The following FAM47E variants were observed in gnomAD, a reference collection of about 807,000 sequenced individuals.
The protein encoded by FAM47E is family with sequence similarity 47 member E.
A neutral mutation model predicts 41.6 loss-of-function variants in FAM47E; 32 were observed. That is an observed-to-expected ratio of 0.77 (90% confidence interval 0.58 to 1.03). The LOEUF (loss-of-function observed/expected upper bound fraction) is 1.03, where lower values mean the gene tolerates loss of function less well. Ranked by LOEUF, FAM47E falls within the 50% of genes least tolerant of loss-of-function variation. The probability of loss-of-function intolerance (pLI) is 0.00; values close to 1 mark genes in which losing one functional copy is unlikely to be tolerated. For missense variants in FAM47E, 424 were observed against 485.4 expected (o/e 0.87, Z 1.19); for synonymous variants, 184 against 188.7 (o/e 0.98, Z 0.20).
chr4:76,220,824 C>T (rs762955140), intron 2 of FAM47E, among the ~76,000 whole-genome samples: 1 of 152,196 alleles, frequency 6.6e-6, no homozygotes, highest in South Asian at 2.1e-4. Flanking sequence ...GTCATAGGTA[C>T]ATTTTCTGTT....
At chr4:76,247,641 A>G (rs1733855768), upstream of FAM47E, among the ~76,000 whole-genome samples, 1 of 152,042 alleles carries the variant, frequency 6.6e-6, no homozygotes, top group African/African-American at 2.4e-5. Context: ...AACCATCCTA[A>G]TTGGTGTGAA....
At chr4:76,248,748 C>G (rs1358359465), upstream of FAM47E, among the ~76,000 whole-genome samples, 1 of 152,028 alleles carries the variant, frequency 6.6e-6, no homozygotes, top group Admixed American at 6.6e-5. Context: ...AATTTTGACT[C>G]CATACATTGC....
intron 2 of FAM47E, among the ~76,000 whole-genome samples, chr4:76,229,713 T>C (rs1733460950): frequency 6.6e-6 from 1 of 152,236 alleles, no homozygotes; most frequent in Non-Finnish European, 1.5e-5. Context: ...CAGCTGTGCA[T>C]ACCAGCACCT....
exon 1 of FAM47E, chr4:76,214,234 C>T (rs1402247835): frequency 2.2e-6 from 1 of 454,904 alleles, no homozygotes; most frequent in South Asian, 1.6e-5. Context: ...GCAATTACAA[C>T]ACAATGTAGC....
intron 5 of FAM47E, among the ~76,000 whole-genome samples, chr4:76,275,389 A>G (rs536991618): frequency 6.6e-6 from 1 of 152,294 alleles, no homozygotes; most frequent in East Asian, 1.9e-4. Context: ...AATCTCTCAC[A>G]GCAATCTGTG....
intron 4 of FAM47E, chr4:76,269,076 A>G: frequency 3.3e-6 from 1 of 306,030 alleles, no homozygotes; most frequent in Non-Finnish European, 5.9e-6. Flanking sequence ...TATTGTTAGG[A>G]CTTTCTTTTC....
intron 7 of FAM47E, chr4:76,282,260 C>G (rs1969148): frequency 0.37 from 56,116 of 151,924 alleles, 11,120 homozygotes; most frequent in Non-Finnish European, 0.43. Context: ...AGCTAGACAA[C>G]CAGTTAGACC....
At chr4:76,215,543 A>C (rs1468647398) in intron 1 of FAM47E, among the ~76,000 whole-genome samples, 25 of 152,244 alleles carry the variant, frequency 1.6e-4, no homozygotes, top group Admixed American at 1.6e-3. Context: ...GGTGGGGTCT[A>C]TACTTTCTCG....
intron 2 of FAM47E, among the ~76,000 whole-genome samples, chr4:76,242,249 T>C (rs1733727465): frequency 6.6e-6 from 1 of 152,160 alleles, no homozygotes; most frequent in African/African-American, 2.4e-5. Flanking sequence ...CTCTCATAAA[T>C]AGCTTGGTGC....
intron 4 of FAM47E, 118 bp from the exon 5 acceptor site, chr4:76,271,450 G>A: frequency 2.5e-6 from 3 of 1,197,174 alleles, no homozygotes; most frequent in South Asian, 3.0e-5. Context: ...TGCTGACTGA[G>A]CATTTTCTAC....
intron 1 of FAM47E, chr4:76,217,468 G>A (rs1425361044): frequency 7.4e-6 from 3 of 406,970 alleles, no homozygotes; most frequent in African/African-American, 6.1e-5. Flanking sequence ...AGGCATGAGT[G>A]AGTTGTCAGA....
intron 2 of FAM47E, among the ~76,000 whole-genome samples, chr4:76,223,924 T>C (rs1382941942): frequency 1.3e-5 from 2 of 152,180 alleles, no homozygotes; most frequent in Non-Finnish European, 2.9e-5. Flanking sequence ...GCTGCTACCC[T>C]ATCCCTGAGC....
chr4:76,281,063 A>T (rs1735327411), intron 7 of FAM47E: 1 of 152,302 alleles, frequency 6.6e-6, no homozygotes, highest in Non-Finnish European at 1.5e-5. Context: ...TCACTGCAGC[A>T]GGAGACTAGA....
intron 2 of FAM47E, among the ~76,000 whole-genome samples, chr4:76,221,273 G>T (rs1228822904): frequency 6.6e-6 from 1 of 152,120 alleles, no homozygotes; most frequent in African/African-American, 2.4e-5. Flanking sequence ...TCCTGGCCTG[G>T]GGAGTTTTTC....
intron 2 of FAM47E, among the ~76,000 whole-genome samples, chr4:76,237,057 G>A (rs574381960): frequency 6.6e-6 from 1 of 151,530 alleles, no homozygotes; most frequent in Non-Finnish European, 1.5e-5. Context: ...CACCACGCCC[G>A]GCTAATTTTT....
At chr4:76,223,391 C>T (rs1733342559) in intron 2 of FAM47E, among the ~76,000 whole-genome samples, 1 of 152,074 alleles carries the variant, frequency 6.6e-6, no homozygotes, top group African/African-American at 2.4e-5. Context: ...TCCTACTTAG[C>T]CAGAAGTCTA....
At chr4:76,282,592 G>T (rs993116381) in intron 7 of FAM47E, 1 of 152,142 alleles carries the variant, frequency 6.6e-6, no homozygotes, top group Admixed American at 6.5e-5. Context: ...ATGCAATTTT[G>T]TATTTACAAT....
At position 76,278,123 on chromosome 4, in the gene FAM47E, C is replaced by T; in HGVS notation, c.925C>T (p.Pro309Ser). Residue 309 changes from proline to serine, a missense_variant, in exon 6 of 8, where the codon CCC (proline) becomes TCC (serine). Pro to Ser is a moderately conservative substitution (Grantham distance 74). Coordinates refer to ENST00000424749, the MANE Select transcript of FAM47E (RefSeq NM_001136570.3). ...GAGGTATGGAGCATGGTATTTGAAC[C>T]CCAAGTTGTGGAAAAAGCAAAGAGT... ...KMRYGAWYLN[P>S]KLWKKQRVDE... 1.3e-6 allele frequency: 2 copies of T among 1,550,840 alleles called. No individual in the cohort carries two copies. Among genetic ancestry groups the T allele is most frequent in the South Asian group, 2.4e-5 (2 of 83,934 alleles).
At chr4:76,259,031 T>C (rs1200842976) in intron 2 of FAM47E, among the ~76,000 whole-genome samples, 2 of 152,160 alleles carry the variant, frequency 1.3e-5, no homozygotes, top group South Asian at 4.1e-4. Flanking sequence ...GAGATTAGTA[T>C]GTGAGTCTGA....
Sources: gnomAD v4.1 joint callset for allele counts (sites outside exome capture counted in the v4.1 genomes callset) on GRCh38, gnomAD v4.1.1 for gene constraint, MANE v1.5 for transcripts, NCBI Gene and HGNC (gene_info 2026-07-23, HGNC 2026-07-21) for gene names.